TMEM132B: variants seen among roughly 807,000 people sequenced by gnomAD.
The protein encoded by TMEM132B is transmembrane protein 132B.
Under a neutral mutation model 90.8 loss-of-function variants are expected in TMEM132B, and 18 were observed. That is an observed-to-expected ratio of 0.20 (90% CI 0.14 to 0.29). TMEM132B has a LOEUF of 0.29. TMEM132B is among the 10% of genes least tolerant of loss of function. The pLI, the probability that TMEM132B is intolerant of heterozygous loss-of-function variation, is 1.00. For synonymous variants in TMEM132B, 504 were observed against 523.3 expected, an observed-to-expected ratio of 0.96 and a Z score of 0.50; for missense variants, 1,096 against 1,326.8, an observed-to-expected ratio of 0.83 and a Z score of 2.70.
At chr12:125,461,772 G>A (rs540349120) in intron 3 of TMEM132B, among the ~76,000 whole-genome samples, 2 of 152,212 alleles carry the variant, frequency 1.3e-5, no homozygotes, top group African/African-American at 2.4e-5. Flanking sequence ...CAGTCCTTAC[G>A]TCCAGGGCGT....
At chr12:125,482,407 A>G (rs933682397) in intron 3 of TMEM132B, among the ~76,000 whole-genome samples, 3 of 152,240 alleles carry the variant, frequency 2.0e-5, no homozygotes, top group Non-Finnish European at 4.4e-5. Context: ...CTAATTTACA[A>G]GAAAAAATCA....
rs537301146 is a variant in TMEM132B, at chr12:125,362,049, T to A, written c.959+11706T>A. Among the ~76,000 whole-genome samples the A allele has an allele frequency of 6.6e-5, 10 of 152,292 alleles. No homozygotes were observed. The South Asian group carries it at 1.9e-3, about 28-fold the overall frequency. ...TCATGCTAGGAGGCTGGAATGATTG[T>A]TTTTAAGCCTGTTTTACAGATGAAG... is the stretch of plus-strand genomic sequence containing the variant. On this transcript the variant is annotated intron_variant, in intron 2 of 8. Transcript: ENST00000682704.
At chr12:125,187,118 C>G (rs2136043615) in intron 1 of TMEM132B, among the ~76,000 whole-genome samples, 1 of 152,306 alleles carries the variant, frequency 6.6e-6, no homozygotes, top group Admixed American at 6.5e-5. Context: ...GGGCCACAGA[C>G]CGGGGCACTC....
At chr12:125,601,648 A>T (rs1885573977) in intron 5 of TMEM132B, among the ~76,000 whole-genome samples, 1 of 152,100 alleles carries the variant, frequency 6.6e-6, no homozygotes, top group African/African-American at 2.4e-5. Context: ...GACATGAATA[A>T]CCCTTCAAAA....
At chr12:125,248,747 G>A (rs1874256783) in intron 1 of TMEM132B, among the ~76,000 whole-genome samples, 1 of 152,160 alleles carries the variant, frequency 6.6e-6, no homozygotes, top group Admixed American at 6.5e-5. Context: ...GGTATGGGGA[G>A]CATGTGAGGA....
chr12:125,246,730 G>A lies in TMEM132B; in HGVS notation c.67+59864G>A, dbSNP rs533655164. Among the ~76,000 whole-genome samples, 9 of 152,274 alleles carry A rather than the reference G, an allele frequency of 5.9e-5. No individual in the cohort carries two copies. In the East Asian group the frequency reaches 1.4e-3, roughly 23 times the overall value. ...GTGCTTTGATTCTTAAATCGGAGCC[G>A]GCTTTCAGGCACCTATCTTCTCACC... On this transcript the variant is annotated intron_variant, in intron 1 of 8. Transcript: ENST00000682704. The surrounding 1 kb of genome is among the most constrained non-coding windows in gnomAD (Gnocchi z 4.2).
chr12:125,399,700 T>C (rs1005067169), intron 2 of TMEM132B, among the ~76,000 whole-genome samples: 2 of 152,172 alleles, frequency 1.3e-5, no homozygotes, highest in Non-Finnish European at 2.9e-5. Flanking sequence ...GGGAAACTAA[T>C]ACAGCTAGCA....
chr12:125,502,760 T>C (rs1483200141), intron 3 of TMEM132B, among the ~76,000 whole-genome samples: 2 of 152,212 alleles, frequency 1.3e-5, no homozygotes, highest in African/African-American at 4.8e-5. Flanking sequence ...AGAACAGAGC[T>C]TGGCACAGAG....
At chr12:125,514,500 A>C (rs1883058251) in intron 3 of TMEM132B, among the ~76,000 whole-genome samples, 1 of 152,206 alleles carries the variant, frequency 6.6e-6, no homozygotes, top group South Asian at 2.1e-4. Context: ...CATCTTAAAA[A>C]TTAATGCCTA....
chr12:125,332,954 T>C (rs1459197587), intron 1 of TMEM132B, among the ~76,000 whole-genome samples: 1 of 152,240 alleles, frequency 6.6e-6, no homozygotes, highest in African/African-American at 2.4e-5. Flanking sequence ...TTTTTTATAA[T>C]GTGCGTTAGT....
chr12:125,468,321 T>C (rs1197742005), intron 3 of TMEM132B, among the ~76,000 whole-genome samples: 1 of 152,244 alleles, frequency 6.6e-6, no homozygotes, highest in Non-Finnish European at 1.5e-5. Flanking sequence ...TGAATGTCTG[T>C]TTGTGCTTAA....
chr12:125,487,869 C>G (rs761783350), intron 3 of TMEM132B, among the ~76,000 whole-genome samples: 3 of 152,160 alleles, frequency 2.0e-5, no homozygotes, highest in African/African-American at 4.8e-5. Flanking sequence ...CTCCTCTGAA[C>G]TTCTATTGGA....
intron 2 of TMEM132B, among the ~76,000 whole-genome samples, chr12:125,355,810 CAG>C (rs1368055590): frequency 6.6e-6 from 1 of 152,160 alleles, no homozygotes; most frequent in East Asian, 1.9e-4. Flanking sequence ...GGAAAAGAAA[CAG>C]ATGTGTACCA....
chr12:125,415,723 G>A lies in TMEM132B; in HGVS notation c.1106+46G>A. The A allele has an allele frequency of 6.2e-7, 1 of 1,602,922 alleles. No homozygotes were observed. Among genetic ancestry groups the A allele is most frequent in the Non-Finnish European group, 8.5e-7 (1 of 1,174,104 alleles). On this transcript the variant is annotated intron_variant, in intron 3 of 8. Coordinates refer to ENST00000682704, the MANE Select transcript of TMEM132B (RefSeq NM_001366854.1). This position sits in a 1 kb window ranked among gnomAD's most constrained non-coding sequence, Gnocchi z 5.3. ...GGCACCTCCGCAGTGGGGAGGAGGG[G>A]AGTGGCTGCCAGAGCTGATAGCAAA...
intron 4 of TMEM132B, among the ~76,000 whole-genome samples, chr12:125,567,541 C>T (rs573919784): frequency 6.6e-6 from 1 of 152,330 alleles, no homozygotes; most frequent in East Asian, 1.9e-4. Context: ...TCTTCCTGCT[C>T]ACTGCAGTCA....
chr12:125,254,542 C>G (rs1874389285), intron 1 of TMEM132B, among the ~76,000 whole-genome samples: 1 of 152,136 alleles, frequency 6.6e-6, no homozygotes, highest in Non-Finnish European at 1.5e-5. Context: ...AGCCTCCTTA[C>G]CCATCACCTA....
intron 2 of TMEM132B, among the ~76,000 whole-genome samples, chr12:125,402,951 T>G (rs1486825864): frequency 1.3e-5 from 2 of 152,182 alleles, no homozygotes; most frequent in Non-Finnish European, 2.9e-5. Context: ...GTTTGTTTCT[T>G]CACAGCAGGC....
intron 1 of TMEM132B, among the ~76,000 whole-genome samples, chr12:125,333,133 G>C (rs1876843280): frequency 2.0e-5 from 3 of 152,194 alleles, no homozygotes; most frequent in Non-Finnish European, 4.4e-5. Flanking sequence ...TGTTGCCAGT[G>C]ATCTTTGGCG....
rs1874314946 is a variant in TMEM132B at position 125,251,459 on chromosome 12, T to C, written c.67+64593T>C. 6.6e-6 allele frequency among the ~76,000 whole-genome samples: 1 copy of C among 152,224 alleles called. No individual in the cohort carries two copies. The highest frequency in any genetic ancestry group is 1.5e-5 in the Non-Finnish European group (1 of 68,038). On this transcript the variant is annotated intron_variant, in intron 1 of 8. Transcript: ENST00000682704. This position sits in a 1 kb window ranked among gnomAD's most constrained non-coding sequence, Gnocchi z 4.4. ...ACCAGGGATTGCAAACTGAAATACC[T>C]GCAGGGCTCACACAGGAAATGTATG...
Sources: gnomAD v4.1 joint callset for allele counts (sites outside exome capture counted in the v4.1 genomes callset) on GRCh38, gnomAD v4.1.1 for gene constraint, Gnocchi (gnomAD v3.1) non-coding constraint, MANE v1.5 for transcripts, NCBI Gene and HGNC (gene_info 2026-07-23, HGNC 2026-07-21) for gene names.